CES5A: variants seen among roughly 807,000 people sequenced by gnomAD.
CES5A encodes the protein carboxylesterase 5.
CES5A carries 67 observed loss-of-function variants against 62.9 expected under a neutral mutation model. The ratio of observed to expected loss-of-function variants is 1.07; its 90% CI spans 0.88 to 1.31. The LOEUF is 1.31. Ranked by LOEUF, CES5A falls within the 50% of genes most tolerant of loss-of-function variation. The pLI is 0.00. For synonymous variants in CES5A, 296 were observed against 280.8 expected (o/e 1.05, Z -0.54); for missense variants, 748 against 708.5 (o/e 1.06, Z -0.63).
At chr16:55,882,607 A>C (rs548785723) in intron 1 of CES5A, among the ~76,000 whole-genome samples, 2 of 152,286 alleles carry the variant, frequency 1.3e-5, no homozygotes, top group South Asian at 4.1e-4. Flanking sequence ...GTGGTCTTTC[A>C]TGTGATCTGG....
chr16:55,939,855 C>G (rs1288824483), intron 2 of CES5A, among the ~76,000 whole-genome samples: 1 of 151,564 alleles, frequency 6.6e-6, no homozygotes, highest in African/African-American at 2.4e-5. Context: ...AACTGGAAAT[C>G]AGTAAGAGAA....
chr16:55,928,087 G>GA (rs2034276351), upstream of CES5A, among the ~76,000 whole-genome samples: 1 of 151,936 alleles, frequency 6.6e-6, no homozygotes. Context: ...ACTAAAAATA[G>GA]AAAAAATTAG....
At chr16:55,931,899 C>G (rs1433590197) in intron 2 of CES5A, among the ~76,000 whole-genome samples, 1 of 152,180 alleles carries the variant, frequency 6.6e-6, no homozygotes, top group Non-Finnish European at 1.5e-5. Flanking sequence ...CAGACATGGG[C>G]TGCCATGGAG....
chr16:55,890,886 T>G (rs1277339189), intron 1 of CES5A, among the ~76,000 whole-genome samples: 1 of 152,174 alleles, frequency 6.6e-6, no homozygotes, highest in Admixed American at 6.6e-5. Context: ...AGTTCTAAAT[T>G]TCTCTTCAAA....
intron 2 of CES5A, among the ~76,000 whole-genome samples, chr16:55,947,941 A>G (rs1470275651): frequency 6.6e-6 from 1 of 152,130 alleles, no homozygotes; most frequent in Admixed American, 6.5e-5. Context: ...GCGCTGAGCC[A>G]AGGAGACACA....
intron 1 of CES5A, among the ~76,000 whole-genome samples, chr16:55,924,653 C>T (rs183233016): frequency 4.6e-5 from 7 of 152,124 alleles, no homozygotes; most frequent in African/African-American, 1.7e-4. Flanking sequence ...AGGCATCATA[C>T]TACCTGACTT....
chr16:55,915,766 G>A (rs1337886553), intron 1 of CES5A, among the ~76,000 whole-genome samples: 3 of 152,078 alleles, frequency 2.0e-5, no homozygotes, highest in Admixed American at 2.0e-4. Context: ...GAAATCATCT[G>A]TCCCTCTCCA....
rs550413622 is a variant in CES5A at position 55,917,255 on chromosome 16, C to G, written c.-256+8068G>C. Among the ~76,000 whole-genome samples the G allele has an allele frequency of 3.3e-5, 5 of 152,366 alleles. No homozygotes were observed. In the South Asian group the frequency reaches 8.3e-4, roughly 25 times the overall value. ...CAAGCACAAATATTCATTTGAATGT[C>G]TGTACTAGTTACCTATTGCTGCCTC... On this transcript the variant is annotated intron_variant, in intron 1 of 12. Coordinates refer to the CES5A transcript ENST00000518005.
At chr16:55,892,732 A>C (rs2033893911) in intron 1 of CES5A, among the ~76,000 whole-genome samples, 1 of 152,066 alleles carries the variant, frequency 6.6e-6, no homozygotes. Flanking sequence ...AACAAAAAAA[A>C]ATAGTGGATA....
intron 1 of CES5A, among the ~76,000 whole-genome samples, chr16:55,924,759 T>C (rs1487585348): frequency 6.6e-6 from 1 of 151,298 alleles, no homozygotes; most frequent in Non-Finnish European, 1.5e-5. Context: ...AACACAGATA[T>C]AAATTAAACA....
At chr16:55,937,739 CTTCATAATT>C (rs2034391662) in intron 2 of CES5A, among the ~76,000 whole-genome samples, 1 of 152,102 alleles carries the variant, frequency 6.6e-6, no homozygotes, top group African/African-American at 2.4e-5. Context: ...CACGCACCTT[CTTCATAATT>C]CTTCTCTTTA....
At chr16:55,908,029 C>T (rs1792673794) in intron 1 of CES5A, among the ~76,000 whole-genome samples, 1 of 152,166 alleles carries the variant, frequency 6.6e-6, no homozygotes, top group South Asian at 2.1e-4. Context: ...CAGAAGCCCT[C>T]CTAAGCTATC....
chr16:55,955,939 A>C (rs1372585085), exon 1 of CES5A: 3 of 1,518,686 alleles, frequency 2.0e-6, no homozygotes, highest in Non-Finnish European at 1.8e-6. Context: ...TGGCCTTGAC[A>C]CAGAGCCCCA....
At chr16:55,910,526 G>A (rs1173038459) in intron 1 of CES5A, among the ~76,000 whole-genome samples, 1 of 152,234 alleles carries the variant, frequency 6.6e-6, no homozygotes, top group Non-Finnish European at 1.5e-5. Flanking sequence ...TTGAGACGCT[G>A]CTGCTTCTTA....
At chr16:55,941,809 C>T (rs764120464) in intron 2 of CES5A, among the ~76,000 whole-genome samples, 1 of 152,004 alleles carries the variant, frequency 6.6e-6, no homozygotes, top group South Asian at 2.1e-4. Context: ...GTGATCAAAT[C>T]GTTCTATATT....
At chr16:55,944,010 G>A in intron 2 of CES5A, 1 of 702,000 alleles carries the variant, frequency 1.4e-6, no homozygotes, top group South Asian at 1.5e-5. Context: ...TCTCTTTCCA[G>A]GGAAAAATCG....
chr16:55,903,774 C>T (rs1470048107), intron 1 of CES5A, among the ~76,000 whole-genome samples: 2 of 152,186 alleles, frequency 1.3e-5, no homozygotes, highest in African/African-American at 2.4e-5. Flanking sequence ...AGACCTTTTA[C>T]ATCAGAAATT....
At chr16:55,890,332 A>ATGATTGAGGG (rs1436433371) in intron 1 of CES5A, among the ~76,000 whole-genome samples, 6 of 152,172 alleles carry the variant, frequency 3.9e-5, no homozygotes, top group African/African-American at 1.2e-4. Flanking sequence ...ATATTCAGAC[A>ATGATTGAGGG]TGATTGAGGG....
chr16:55,883,733 T>A lies in CES5A; in HGVS notation c.-255-9696A>T, dbSNP rs764817456. On this transcript the variant is annotated intron_variant, in intron 1 of 12. Coordinates refer to the CES5A transcript ENST00000518005. ...TTCTATTTCCGCTTCCCCAATGTGA[T>A]AGCTCTTACCTCACAGACCATGGAT... Among the ~76,000 whole-genome samples the A allele has an allele frequency of 2.6e-5, 4 of 152,328 alleles. No homozygotes were observed. In the South Asian group the frequency reaches 8.3e-4, roughly 32 times the overall value.
Sources: gnomAD v4.1 joint callset for allele counts (sites outside exome capture counted in the v4.1 genomes callset) on GRCh38, gnomAD v4.1.1 for gene constraint, MANE v1.5 for transcripts, NCBI Gene and HGNC (gene_info 2026-07-23, HGNC 2026-07-21) for gene names.